ESR1: variants seen among roughly 807,000 people sequenced by gnomAD.
ESR1 encodes the protein estrogen receptor 1.
ESR1 carries 12 observed loss-of-function variants against 52.7 expected under a neutral mutation model. That is an observed-to-expected ratio of 0.23 (90% CI 0.15 to 0.37). The LOEUF is 0.37. Among genes scored for constraint, ESR1 ranks in the 10% least tolerant of loss-of-function variants. The pLI, the probability that ESR1 is intolerant of heterozygous loss-of-function variation, is 1.00. For missense variants in ESR1, 584 were observed against 779.7 expected (o/e 0.75, Z 2.99); for synonymous variants, 305 against 316.8 (o/e 0.96, Z 0.39).
intron 4 of ESR1, among the ~76,000 whole-genome samples, chr6:151,952,653 C>T (rs1036843956): frequency 9.2e-5 from 14 of 152,198 alleles, no homozygotes; most frequent in Non-Finnish European, 1.5e-4. Context: ...TGGTCTAAGA[C>T]ACAATAATAA....
chr6:151,994,098 T>C (rs1346957803), intron 4 of ESR1, among the ~76,000 whole-genome samples: 2 of 152,164 alleles, frequency 1.3e-5, no homozygotes, highest in Non-Finnish European at 1.5e-5. Flanking sequence ...GAAACTGAGT[T>C]ACAGAGATGG....
chr6:151,817,004 G>A (rs1779763607), intron 1 of ESR1, among the ~76,000 whole-genome samples: 1 of 152,198 alleles, frequency 6.6e-6, no homozygotes, highest in African/African-American at 2.4e-5. Flanking sequence ...TTGAAGCTGA[G>A]GTAAGCAGCT....
At chr6:151,955,866 TCTC>T (rs1301769584) in intron 4 of ESR1, among the ~76,000 whole-genome samples, 1 of 151,980 alleles carries the variant, frequency 6.6e-6, no homozygotes, top group Non-Finnish European at 1.5e-5. Context: ...TTTCCGAACC[TCTC>T]CTCCTCTCAC....
chr6:151,780,358 A>AAAAAAG (rs994238116), intron 2 of ESR1, among the ~76,000 whole-genome samples: 8 of 151,058 alleles, frequency 5.3e-5, no homozygotes, highest in South Asian at 4.2e-4. Flanking sequence ...AAGGTATAAT[A>AAAAAAG]AAAAAGAAAA....
At chr6:151,992,103 C>A (rs1391077477) in intron 4 of ESR1, among the ~76,000 whole-genome samples, 6 of 152,214 alleles carry the variant, frequency 3.9e-5, no homozygotes, top group African/African-American at 9.6e-5. Context: ...TCTTTGAGGG[C>A]AGAAATTGTG....
upstream of ESR1, among the ~76,000 whole-genome samples, chr6:151,802,953 G>A (rs1440691320): frequency 6.7e-6 from 1 of 150,362 alleles, no homozygotes; most frequent in African/African-American, 2.5e-5. Context: ...GATCACACCA[G>A]TGTACTCCAG....
At chr6:151,669,890 G>A (rs1456966706) in intron 1 of ESR1, among the ~76,000 whole-genome samples, 1 of 152,198 alleles carries the variant, frequency 6.6e-6, no homozygotes, top group Non-Finnish European at 1.5e-5. Flanking sequence ...TGGGGAGAAG[G>A]ACACATGGGA....
At chr6:151,756,223 C>T (rs1784272839) in intron 2 of ESR1, among the ~76,000 whole-genome samples, 1 of 152,040 alleles carries the variant, frequency 6.6e-6, no homozygotes, top group Non-Finnish European at 1.5e-5. Flanking sequence ...ACATTTTACT[C>T]CCTTACTAAA....
chr6:152,116,408 C>A (rs747955810), intron 6 of ESR1, among the ~76,000 whole-genome samples: 3 of 152,042 alleles, frequency 2.0e-5, no homozygotes, highest in Non-Finnish European at 4.4e-5. Context: ...TGTGGGACAT[C>A]GTTAAGTGAA....
intron 3 of ESR1, among the ~76,000 whole-genome samples, chr6:151,912,639 T>C (rs1461862572): frequency 6.6e-6 from 1 of 152,100 alleles, no homozygotes; most frequent in Non-Finnish European, 1.5e-5. Context: ...AACATCTCAG[T>C]AGGGCACCAC....
At chr6:151,856,915 A>G (rs1787947136) in intron 2 of ESR1, among the ~76,000 whole-genome samples, 1 of 152,198 alleles carries the variant, frequency 6.6e-6, no homozygotes, top group Non-Finnish European at 1.5e-5. Flanking sequence ...TCCTGATTGA[A>G]GATACATTTT....
chr6:151,686,884 A>G (rs139223434), upstream of ESR1, among the ~76,000 whole-genome samples: 765 of 152,336 alleles, frequency 5.0e-3, 12 homozygotes, highest in African/African-American at 0.017. Flanking sequence ...GTCAGTGACT[A>G]TAGCCAACCA....
chr6:151,659,853 C>T (rs187025117), intron 1 of ESR1, among the ~76,000 whole-genome samples: 3 of 152,196 alleles, frequency 2.0e-5, no homozygotes, highest in African/African-American at 4.8e-5. Context: ...TCATTAAAGC[C>T]AAATTAAGGG....
chr6:152,034,054 C>G (rs2045022009), intron 5 of ESR1, among the ~76,000 whole-genome samples: 1 of 150,878 alleles, frequency 6.6e-6, no homozygotes, highest in Non-Finnish European at 1.5e-5. Flanking sequence ...AAAAACCAAA[C>G]ACCACATGTT....
chr6:151,711,650 T>G (rs779754713), intron 2 of ESR1, among the ~76,000 whole-genome samples: 7 of 152,244 alleles, frequency 4.6e-5, no homozygotes, highest in Non-Finnish European at 7.3e-5. Flanking sequence ...GCCGCATAAA[T>G]GACTTCCTTT....
chr6:152,022,960 A>G (rs2043809320), intron 5 of ESR1, among the ~76,000 whole-genome samples: 1 of 150,936 alleles, frequency 6.6e-6, no homozygotes, highest in South Asian at 2.1e-4. Flanking sequence ...CTGGGCAACA[A>G]GAGTGAAACT....
chr6:152,021,835 T>G (rs1428189623), intron 5 of ESR1, among the ~76,000 whole-genome samples: 1 of 152,048 alleles, frequency 6.6e-6, no homozygotes, highest in Non-Finnish European at 1.5e-5. Context: ...GATCTGATGG[T>G]TTTATAAGGG....
At chr6:151,696,692 G>A (rs1779375962) in intron 1 of ESR1, among the ~76,000 whole-genome samples, 2 of 152,022 alleles carry the variant, frequency 1.3e-5, no homozygotes, top group South Asian at 4.1e-4. Flanking sequence ...CACATAATAT[G>A]ATATGTGACT....
chr6:151,988,797 A>G (rs1431330604), intron 4 of ESR1, among the ~76,000 whole-genome samples: 1 of 152,104 alleles, frequency 6.6e-6, no homozygotes, highest in Admixed American at 6.5e-5. Context: ...ATGAGTATAT[A>G]TTTGTATATA....
Sources: gnomAD v4.1 joint callset for allele counts (sites outside exome capture counted in the v4.1 genomes callset) on GRCh38, gnomAD v4.1.1 for gene constraint, MANE v1.5 for transcripts, NCBI Gene and HGNC (gene_info 2026-07-23, HGNC 2026-07-21) for gene names.